MUC6: variants seen among roughly 807,000 people sequenced by gnomAD.
The protein encoded by MUC6 is mucin 6, oligomeric mucus/gel-forming (gene/pseudogene), also known as mucin-6.
A neutral mutation model predicts 201.5 loss-of-function variants in MUC6; 188 were observed. The ratio of observed to expected loss-of-function variants is 0.93; its 90% CI spans 0.83 to 1.05. The LOEUF (loss-of-function observed/expected upper bound fraction) is 1.05, where lower values mean the gene tolerates loss of function less well. Among genes scored for constraint, MUC6 ranks in the 50% least tolerant of loss-of-function variants. The pLI is 0.00. For missense variants in MUC6, 2,706 were observed against 3,256.9 expected (o/e 0.83, Z 4.12); for synonymous variants, 1,228 against 1,389.4 (o/e 0.88, Z 2.58).
At position 1,016,006 on chromosome 11, in the gene MUC6, G is replaced by A; in HGVS notation, c.6795C>T (p.Ser2265=). Residue 2265 remains serine (S), a synonymous_variant, in exon 31 of 33, where the codon TCC becomes TCT. Transcript: ENST00000421673. ...TASTHTAPAF[S]SQSTTSRSTS... is the part of the protein sequence containing the mutation. ...TGGACCGCGAGGTGGTGGACTGAGA[G>A]GAGAAGGCAGGGGCGGTGTGGGTGC... 1 of 1,605,050 alleles carries A rather than the reference G, an allele frequency of 6.2e-7. No individual in the cohort carries two copies. The highest frequency in any genetic ancestry group is 8.5e-7 in the Non-Finnish European group (1 of 1,174,346).
At chr11:1,026,792 C>T in intron 19 of MUC6, 149 bp downstream of exon 19, 1 of 912,968 alleles carries the variant, frequency 1.1e-6, no homozygotes, top group Non-Finnish European at 1.6e-6. Context: ...CTCCAGCTGC[C>T]TGGCCACAGG....
Position 1,013,975 on chromosome 11 carries a change from CCTG to C in MUC6, c.7063_7065del (p.Gln2355del), listed in dbSNP as rs1856542605. 6.2e-7 allele frequency: 1 copy of C among 1,608,624 alleles called. No homozygotes were observed. The highest frequency in any genetic ancestry group is 8.5e-7 in the Non-Finnish European group (1 of 1,178,200). On this transcript the variant is annotated inframe_deletion, in exon 32 of 33. Coordinates refer to ENST00000421673, the MANE Select transcript of MUC6 (RefSeq NM_005961.3). ...ATGCACCCCTTGAACGTGATCTCCTCCTGCTGCTCCCGCACACTGCAGACCCCT... is the reference window on the plus strand; with the variant it reads ...ATGCACCCCTTGAACGTGATCTCCTCCTGCTCCCGCACACTGCAGACCCCT...
At chr11:1,026,500 G>A in intron 19 of MUC6, 22 bp from the exon 20 acceptor site, 4 of 1,552,528 alleles carry the variant, frequency 2.6e-6, no homozygotes, top group Non-Finnish European at 3.5e-6. Context: ...CAGGTCAGCA[G>A]CTCCTGGGAG....
chr11:1,028,938 G>T lies in MUC6; in HGVS notation c.1404C>A (p.Asp468Glu), dbSNP rs759334589. 1.9e-6 allele frequency: 3 copies of T among 1,613,074 alleles called. No individual in the cohort carries two copies. In the South Asian group the frequency reaches 3.3e-5, roughly 18 times the overall value. ...CTTCTCCGTTGTTGGTGACCACCTC[G>T]TCCTGAGAGATCACAATTTTGTCCT... is the stretch of plus-strand genomic sequence containing the variant. Reference protein sequence around the residue: ...SRQDKIVISQDEVVTNNGEAK... With the variant: ...SRQDKIVISQEEVVTNNGEAK... The change falls in exon 12 of 33, where the codon GAC becomes GAA. Residue 468 changes from aspartate (D) to glutamate (E), a missense_variant. Asp to Glu is a conservative substitution (Grantham distance 45). Transcript: ENST00000421673.
At position 1,025,054 on chromosome 11, in the gene MUC6, G is replaced by A. The variant is rs765572508; in HGVS notation, c.3015C>T (p.Phe1005=). 1 of 1,612,852 alleles carries A rather than the reference G, an allele frequency of 6.2e-7. No homozygotes were observed. Among genetic ancestry groups the A allele is most frequent in the Non-Finnish European group, 8.5e-7 (1 of 1,179,832 alleles). Residue 1005 remains phenylalanine, a synonymous_variant, in exon 24 of 33, where the codon TTC becomes TTT. Transcript: ENST00000421673. ...QDPLCGLCGN[F]NGNMKDDFET... is the part of the protein sequence containing the mutation. Reference sequence around the variant, plus strand: ...CGAAGTCGTCCTTCATGTTCCCGTTGAAGTTGCCACACAAGCCGCAGAGGG... The same window carrying A: ...CGAAGTCGTCCTTCATGTTCCCGTTAAAGTTGCCACACAAGCCGCAGAGGG...
chr11:1,019,104 A>G (rs1048002764), intron 30 of MUC6, among the ~76,000 whole-genome samples, 171 bp downstream of exon 30: 4 of 152,200 alleles, frequency 2.6e-5, no homozygotes, highest in Non-Finnish European at 2.9e-5. Context: ...TGCCTTTGTG[A>G]GTGCCAGGCG....
rs1294084829 is a variant in MUC6 at position 1,036,612 on chromosome 11, A to G, written c.44T>C (p.Leu15Pro). The G allele has an allele frequency of 1.3e-6, 2 of 1,548,770 alleles. No homozygotes were observed. Among genetic ancestry groups the G allele is most frequent in the Non-Finnish European group, 1.7e-6 (2 of 1,146,478 alleles). ...WLLLSCCGAL[L>P]SAGLANTSYT... ...CCCTCGACCTCACTCACCAGCGCTGAGCAGGGCTCCGCAGCAGGACAGCAG... is the reference window on the plus strand; with the variant it reads ...CCCTCGACCTCACTCACCAGCGCTGGGCAGGGCTCCGCAGCAGGACAGCAG... The change falls in exon 1 of 33, where the codon CTC (leucine) becomes CCC (proline). Residue 15 changes from leucine to proline, a missense_variant. Transcript: ENST00000421673.
intron 19 of MUC6, among the ~76,000 whole-genome samples, 198 bp downstream of exon 19, chr11:1,026,743 C>G (rs1856969103): frequency 6.6e-6 from 1 of 152,260 alleles, no homozygotes; most frequent in African/African-American, 2.4e-5. Context: ...AGCTGGTGCC[C>G]ACTGTCCTTA....
At chr11:1,021,852 A>G (rs894304142) in intron 26 of MUC6, among the ~76,000 whole-genome samples, 1 of 151,808 alleles carries the variant, frequency 6.6e-6, no homozygotes, top group Non-Finnish European at 1.5e-5. Context: ...GCCCCAACAC[A>G]TCTGTCCTCT....
chr11:1,015,199 C>T (rs79655259), intron 31 of MUC6, among the ~76,000 whole-genome samples: 6,372 of 126,464 alleles, frequency 0.05, 146 homozygotes, highest in South Asian at 0.083. Flanking sequence ...GCAGTGGACT[C>T]GCTCACAGGC....
chr11:1,028,644 A>G lies in MUC6; in HGVS notation c.1591+2T>C. The G allele has an allele frequency of 6.2e-7, 1 of 1,606,816 alleles. No individual in the cohort carries two copies. The highest frequency in any genetic ancestry group is 8.5e-7 in the Non-Finnish European group (1 of 1,177,396). ...GGGCCACCTGGAGAGGCAGGGACTC[A>G]CCTCTGGTCTGACCTCTGAACTGGG... On this transcript the variant is annotated splice_donor_variant, in intron 13 of 32. Transcript: ENST00000421673. LOFTEE classifies it high-confidence loss of function.
In MUC6 at chr11:1,033,042, A is replaced by T; in HGVS notation, c.86T>A (p.Leu29His). 6.2e-7 allele frequency: 1 copy of T among 1,607,996 alleles called. No homozygotes were observed. The highest frequency in any genetic ancestry group is 8.5e-7 in the Non-Finnish European group (1 of 1,175,284). The change falls in exon 2 of 33, where the codon CTC (leucine) becomes CAC (histidine). Residue 29 changes from leucine to histidine, a missense_variant. Physicochemically the swap from Leu to His is moderately conservative, Grantham distance 99. Coordinates refer to ENST00000421673, the MANE Select transcript of MUC6 (RefSeq NM_005961.3). The surrounding 1 kb of genome is among the most constrained non-coding windows in gnomAD (Gnocchi z 5.6). ...CTGTGGAGAGTCCTTCAGCCTCTGG[A>T]GGCCTGGGCTGGTGTAGGAGGTGTT... ...LANTSYTSPG[L>H]QRLKDSPQTA...
chr11:1,016,427 T>C lies in MUC6; in HGVS notation c.6374A>G (p.Asn2125Ser), dbSNP rs1856613521. The C allele has an allele frequency of 1.2e-6, 2 of 1,613,730 alleles. No individual in the cohort carries two copies. Among genetic ancestry groups the C allele is most frequent in the Middle Eastern group, 1.7e-4 (1 of 6,060 alleles). Residue 2125 changes from asparagine (N) to serine (S), a missense_variant, in exon 31 of 33, where the codon AAT (asparagine) becomes AGT (serine). This residue lies in a region of MUC6 where 586 missense variants were observed against 488.0 expected (regional missense o/e 1.20). Transcript: ENST00000421673. ...SSATTPVSTT[N>S]QLSSSFSPSP... ...GGGAGAAAATGAGGAGGACAGCTGA[T>C]TAGTTGTGGAAACAGGAGTGGTTGC...
At chr11:1,025,678 A>T in intron 22 of MUC6, 127 bp downstream of exon 22, 1 of 945,526 alleles carries the variant, frequency 1.1e-6, no homozygotes, top group Non-Finnish European at 1.6e-6. Context: ...GCACCCCTCA[A>T]GGAGAGGCAG....
chr11:1,034,109 G>T (rs991524032), intron 1 of MUC6, among the ~76,000 whole-genome samples: 2 of 152,218 alleles, frequency 1.3e-5, no homozygotes, highest in African/African-American at 4.8e-5. Flanking sequence ...TGTCAGCTGG[G>T]AGATGGTGTT....
chr11:1,019,596 C>T, intron 29 of MUC6, 100 bp from the exon 30 acceptor site: 2 of 1,065,746 alleles, frequency 1.9e-6, no homozygotes, highest in Non-Finnish European at 2.8e-6. Context: ...CCCTGGCCTG[C>T]TGTCCGGGAC....
Position 1,030,217 on chromosome 11 carries a change from C to T in MUC6, c.1011G>A (p.Pro337=), listed in dbSNP as rs376341059. Residue 337 remains proline (P), a synonymous_variant, in exon 8 of 33, where the codon CCG becomes CCA. Coordinates refer to ENST00000421673, the MANE Select transcript of MUC6 (RefSeq NM_005961.3). Reference sequence around the variant, plus strand: ...AGTGCCTGCGACTGCCCTCACCTTCCGGGCAGAAGCACCCGAAGGTGCAGG... The same window carrying T: ...AGTGCCTGCGACTGCCCTCACCTTCTGGGCAGAAGCACCCGAAGGTGCAGG... ...SSSCTFGCFC[P]EGTVLNDLSN... The T allele has an allele frequency of 6.5e-5, 101 of 1,549,080 alleles. No homozygotes were observed. In the African/African-American group the frequency reaches 7.9e-4, roughly 12 times the overall value.
At chr11:1,029,877 CCCA>C (rs1310933471) in intron 8 of MUC6, among the ~76,000 whole-genome samples, 1 of 152,232 alleles carries the variant, frequency 6.6e-6, no homozygotes. Context: ...ATGTGCCCGG[CCCA>C]GGTTCCTGGT....
intron 27 of MUC6, 119 bp from the exon 28 acceptor site, chr11:1,020,853 G>A (rs1445310569): frequency 2.3e-6 from 3 of 1,277,770 alleles, no homozygotes; most frequent in Non-Finnish European, 3.3e-6. Flanking sequence ...GGAGGGGACT[G>A]GAGGGGCTGG....
Sources: gnomAD v4.1 joint callset for allele counts (sites outside exome capture counted in the v4.1 genomes callset) on GRCh38, gnomAD v4.1.1 for gene constraint, gnomAD v4.1.1 regional missense constraint, Gnocchi (gnomAD v3.1) non-coding constraint, MANE v1.5 for transcripts, NCBI Gene and HGNC (gene_info 2026-07-23, HGNC 2026-07-21) for gene names.